Variants in ARHGAP6 observed in about 807,000 individuals in gnomAD.
The protein encoded by ARHGAP6 is rho GTPase-activating protein 6.
Under a neutral mutation model 55.7 loss-of-function variants are expected in ARHGAP6, and 16 were observed. The ratio of observed to expected loss-of-function variants is 0.29; its 90% CI spans 0.19 to 0.44. The LOEUF (loss-of-function observed/expected upper bound fraction) is 0.44. Ranked by LOEUF, ARHGAP6 falls within the 20% of genes least tolerant of loss-of-function variation. ARHGAP6 has a pLI of 1.00. For synonymous variants in ARHGAP6, 382 were observed against 360.9 expected (o/e 1.06, Z -0.66); for missense variants, 698 against 808.9 (o/e 0.86, Z 1.66).
rs184193857 is a variant in ARHGAP6, at chrX:11,492,888, C to A, written c.588+171353G>T. On this transcript the variant is annotated intron_variant, in intron 1 of 12. Coordinates refer to ENST00000337414, the MANE Select transcript of ARHGAP6 (RefSeq NM_013427.3). ...CCATGTAAGTAAGCTTTTTCCCAGC[C>A]TTGTCTCTTAAGTCAAGGTGCACGT... Among the ~76,000 whole-genome samples the A allele has an allele frequency of 2.3e-3, 254 of 112,103 alleles. 1 individual carries two copies. The highest frequency in any genetic ancestry group is 0.018 in the Middle Eastern group (4 of 218).
chrX:11,385,604 A>C lies in ARHGAP6; in HGVS notation c.589-130897T>G, dbSNP rs767869161. 2.7e-5 allele frequency among the ~76,000 whole-genome samples: 3 copies of C among 112,185 alleles called. No individual in the cohort carries two copies. The South Asian group carries it at 1.1e-3, about 41-fold the overall frequency. ...TTGGAGAATCTGACATATCGAACTTATGATTTTAACTAAAATACTTGGGAC... is the reference window on the plus strand; with the variant it reads ...TTGGAGAATCTGACATATCGAACTTCTGATTTTAACTAAAATACTTGGGAC... On this transcript the variant is annotated intron_variant, in intron 1 of 12. Transcript: ENST00000337414.
At chrX:11,437,393 ACTTAAGGTAAAGC>A (rs910273946) in intron 1 of ARHGAP6, among the ~76,000 whole-genome samples, 1 of 112,563 alleles carries the variant, frequency 8.9e-6, no homozygotes, top group African/African-American at 3.2e-5. Flanking sequence ...TTCATTGCTG[ACTTAAGGTAAAGC>A]CTTACGATAT....
intron 1 of ARHGAP6, among the ~76,000 whole-genome samples, chrX:11,663,631 G>A (rs2052723201): frequency 9.0e-6 from 1 of 111,584 alleles, no homozygotes; most frequent in Non-Finnish European, 1.9e-5. Flanking sequence ...ATATTTCCAT[G>A]ATCTTTCACA....
intron 1 of ARHGAP6, among the ~76,000 whole-genome samples, chrX:11,571,474 G>A (rs1030884937): frequency 8.2e-5 from 9 of 110,241 alleles, no homozygotes; most frequent in African/African-American, 1.6e-4. Context: ...GTACTGCTAC[G>A]AAGGGATTTT....
At chrX:11,413,545 A>G (rs1274402039) in intron 1 of ARHGAP6, among the ~76,000 whole-genome samples, 1 of 111,952 alleles carries the variant, frequency 8.9e-6, no homozygotes, top group Non-Finnish European at 1.9e-5. Context: ...ACGGAGTTTA[A>G]AGAACAGGAG....
At chrX:11,663,689 G>A (rs961430773) in intron 1 of ARHGAP6, among the ~76,000 whole-genome samples, 11 of 111,339 alleles carry the variant, frequency 9.9e-5, no homozygotes, top group Non-Finnish European at 1.9e-4. Context: ...CTAATACTCA[G>A]TACCATAGAT....
At chrX:11,425,059 T>C (rs2049864564) in intron 1 of ARHGAP6, among the ~76,000 whole-genome samples, 2 of 112,223 alleles carry the variant, frequency 1.8e-5, no homozygotes, top group Non-Finnish European at 3.8e-5. Context: ...ATTCAACAAA[T>C]GTTTATTGAA....
intron 1 of ARHGAP6, among the ~76,000 whole-genome samples, chrX:11,338,122 C>A (rs2048662530): frequency 9.0e-6 from 1 of 111,007 alleles, no homozygotes; most frequent in Non-Finnish European, 1.9e-5. Context: ...CCAGACATCT[C>A]CCACTATGCC....
intron 1 of ARHGAP6, among the ~76,000 whole-genome samples, chrX:11,323,991 G>A (rs751753062): frequency 1.2e-4 from 13 of 110,731 alleles, no homozygotes; most frequent in Admixed American, 2.9e-4. Flanking sequence ...TCTAATCGAA[G>A]AGGACCAATG....
chrX:11,584,152 A>C (rs759223429), intron 1 of ARHGAP6, among the ~76,000 whole-genome samples: 1 of 112,429 alleles, frequency 8.9e-6, no homozygotes, highest in African/African-American at 3.2e-5. Context: ...CTTACAAGTT[A>C]ATCGATTTCC....
chrX:11,650,407 T>C (rs184366055), intron 1 of ARHGAP6, among the ~76,000 whole-genome samples: 1 of 112,014 alleles, frequency 8.9e-6, no homozygotes, highest in Non-Finnish European at 1.9e-5. Context: ...TATATCTTTA[T>C]ATAAATTAGA....
intron 1 of ARHGAP6, among the ~76,000 whole-genome samples, chrX:11,291,964 A>G (rs780598313): frequency 7.6e-4 from 85 of 111,600 alleles, no homozygotes; most frequent in African/African-American, 2.5e-3. Flanking sequence ...TTCTTTAAAC[A>G]TTTACTGTAT....
Position 11,578,287 on chromosome X carries a change from A to T in ARHGAP6, c.588+85954T>A, listed in dbSNP as rs768653094. On this transcript the variant is annotated intron_variant, in intron 1 of 12. Transcript: ENST00000337414. ...CTAAATAATGGGATATTATCTCACC[A>T]ATGAAGGGTTATCACTTCCACTCTG... Among the ~76,000 whole-genome samples, 5 of 111,795 alleles carry T rather than the reference A, an allele frequency of 4.5e-5. No individual in the cohort carries two copies. The South Asian group carries it at 1.9e-3, about 42-fold the overall frequency.
chrX:11,253,435 C>T (rs2047448904), intron 2 of ARHGAP6, among the ~76,000 whole-genome samples: 3 of 111,430 alleles, frequency 2.7e-5, no homozygotes, highest in Admixed American at 9.5e-5. Flanking sequence ...CAAAATCCTC[C>T]GTGGAAATGT....
chrX:11,141,763 G>C (rs1035776832), intron 12 of ARHGAP6, among the ~76,000 whole-genome samples: 33 of 112,255 alleles, frequency 2.9e-4, no homozygotes, highest in East Asian at 5.5e-4. Flanking sequence ...GCACTTCCCT[G>C]TTTGGGATTT....
intron 1 of ARHGAP6, among the ~76,000 whole-genome samples, chrX:11,387,453 A>G (rs2049342188): frequency 8.9e-6 from 1 of 112,070 alleles, no homozygotes; most frequent in Non-Finnish European, 1.9e-5. Context: ...AAGCACTCCA[A>G]TAATTGTAGC....
intron 1 of ARHGAP6, among the ~76,000 whole-genome samples, chrX:11,326,109 C>T (rs2048493520): frequency 1.1e-5 from 1 of 94,993 alleles, no homozygotes; most frequent in African/African-American, 3.8e-5. Flanking sequence ...AGGAATTTTT[C>T]TTTTTCTTTC....
rs2052747828 is a variant in ARHGAP6, at chrX:11,665,435, C to T, written c.-607G>A. On this transcript the variant is annotated 5_prime_UTR_variant, in exon 1 of 13. Coordinates refer to ENST00000337414, the MANE Select transcript of ARHGAP6 (RefSeq NM_013427.3). Reference sequence around the variant, plus strand: ...CCGGCGCCCGAGGTTGCGCGCCTGGCCTCCGCTGGGCTGCTGCGCCCACTC... The same window carrying T: ...CCGGCGCCCGAGGTTGCGCGCCTGGTCTCCGCTGGGCTGCTGCGCCCACTC... The T allele has an allele frequency of 8.8e-6, 1 of 113,733 alleles. No homozygotes were observed. Among genetic ancestry groups the T allele is most frequent in the Admixed American group, 9.2e-5 (1 of 10,928 alleles). 9.4% of individuals were successfully genotyped at this position (113,733 alleles called of 1,213,427 possible).
intron 8 of ARHGAP6, among the ~76,000 whole-genome samples, chrX:11,171,397 C>CAA (rs200156085): frequency 0.026 from 2,565 of 97,134 alleles, 40 homozygotes; most frequent in Middle Eastern, 0.074. Context: ...CTTTCCACTA[C>CAA]AAAAAAAAAA....
Sources: gnomAD v4.1 joint callset for allele counts (sites outside exome capture counted in the v4.1 genomes callset) on GRCh38, gnomAD v4.1.1 for gene constraint, MANE v1.5 for transcripts, NCBI Gene and HGNC (gene_info 2026-07-23, HGNC 2026-07-21) for gene names.